Variants in MTHFD2L observed in about 807,000 individuals in gnomAD.
The protein encoded by MTHFD2L is methylenetetrahydrofolate dehydrogenase (NADP+ dependent) 2 like.
A neutral mutation model predicts 34.9 loss-of-function variants in MTHFD2L; 29 were observed. That is an observed-to-expected ratio of 0.83 (90% confidence interval 0.62 to 1.13). The LOEUF is 1.13. Ranked by LOEUF, MTHFD2L falls within the 50% of genes most tolerant of loss-of-function variation. The pLI is 0.00. For synonymous variants in MTHFD2L, 167 were observed against 155.7 expected, an observed-to-expected ratio of 1.07 and a Z score of -0.54; for missense variants, 481 against 446.5, an observed-to-expected ratio of 1.08 and a Z score of -0.70.
chr4:74,122,206 T>G (rs1721800977), upstream of MTHFD2L, among the ~76,000 whole-genome samples: 1 of 152,226 alleles, frequency 6.6e-6, no homozygotes, highest in African/African-American at 2.4e-5. Context: ...CATAAAGAAC[T>G]ACCTGAGGCT....
intron 1 of MTHFD2L, among the ~76,000 whole-genome samples, chr4:74,173,652 G>T (rs1728455422): frequency 6.6e-6 from 1 of 152,232 alleles, no homozygotes; most frequent in Non-Finnish European, 1.5e-5. Context: ...TCACAAGATT[G>T]TGGGGCTACG....
chr4:74,142,044 C>G (rs1284085866), intron 1 of MTHFD2L, among the ~76,000 whole-genome samples: 3 of 152,172 alleles, frequency 2.0e-5, no homozygotes. Flanking sequence ...GTCTAAAATT[C>G]ATGGAGTCTC....
intron 1 of MTHFD2L, among the ~76,000 whole-genome samples, chr4:74,173,030 C>G (rs534898907): frequency 1.3e-5 from 2 of 152,278 alleles, no homozygotes; most frequent in East Asian, 3.9e-4. Context: ...GCTTCCTTTC[C>G]TCCTCCTCTT....
intron 6 of MTHFD2L, among the ~76,000 whole-genome samples, chr4:74,267,441 T>A (rs1405650947): frequency 1.3e-5 from 2 of 151,202 alleles, no homozygotes; most frequent in African/African-American, 4.9e-5. Context: ...AGCATATCAC[T>A]TTGTTGCCTA....
upstream of MTHFD2L, among the ~76,000 whole-genome samples, chr4:74,120,710 C>A (rs1360433639): frequency 6.6e-6 from 1 of 152,156 alleles, no homozygotes; most frequent in African/African-American, 2.4e-5. Context: ...TATCTGTTCA[C>A]ACAGCTCTGC....
At chr4:74,135,034 G>A (rs747592491) in intron 1 of MTHFD2L, among the ~76,000 whole-genome samples, 67 of 151,996 alleles carry the variant, frequency 4.4e-4, no homozygotes, top group Non-Finnish European at 8.7e-4. Flanking sequence ...CAGGAGCAAG[G>A]GTAGAAAGCT....
At chr4:74,229,981 G>A (rs1739762620) in intron 6 of MTHFD2L, among the ~76,000 whole-genome samples, 2 of 152,110 alleles carry the variant, frequency 1.3e-5, no homozygotes, top group South Asian at 2.1e-4. Flanking sequence ...TAAGTGCTTA[G>A]AACAATATCT....
chr4:74,206,407 A>G (rs1448070095), intron 5 of MTHFD2L, among the ~76,000 whole-genome samples: 1 of 151,842 alleles, frequency 6.6e-6, no homozygotes, highest in African/African-American at 2.4e-5. Flanking sequence ...CTGGGTCTCC[A>G]GACTTAGTCT....
chr4:74,286,231 G>T (rs1053817640), intron 7 of MTHFD2L, among the ~76,000 whole-genome samples: 5 of 152,058 alleles, frequency 3.3e-5, no homozygotes, highest in African/African-American at 4.8e-5. Context: ...AGAAGAAACA[G>T]TATTTAAAAC....
At chr4:74,272,928 T>C (rs1578680028) in intron 6 of MTHFD2L, among the ~76,000 whole-genome samples, 1 of 152,156 alleles carries the variant, frequency 6.6e-6, no homozygotes, top group Non-Finnish European at 1.5e-5. Context: ...TGAATCAGAG[T>C]CCAATCTATG....
intron 6 of MTHFD2L, among the ~76,000 whole-genome samples, chr4:74,244,322 A>C (rs2110178236): frequency 6.6e-6 from 1 of 152,320 alleles, no homozygotes; most frequent in African/African-American, 2.4e-5. Context: ...GCTTTGCAGG[A>C]AATGGGTCAG....
Position 74,158,276 on chromosome 4 carries a change from T to G in MTHFD2L, c.138T>G (p.Gly46=). 7.1e-7 allele frequency: 1 copy of G among 1,413,040 alleles called. No homozygotes were observed. The highest frequency in any genetic ancestry group is 9.2e-7 in the Non-Finnish European group (1 of 1,086,070). 87.5% of individuals were successfully genotyped at this position (1,413,040 alleles called of 1,614,324 possible). A position where few individuals can be genotyped will look rare whatever the true frequency, so the allele number is the denominator to read the frequency against. The change falls in exon 1 of 8, where the codon GGT becomes GGG. Residue 46 remains glycine (G), a synonymous_variant. Coordinates refer to ENST00000325278, the MANE Select transcript of MTHFD2L (RefSeq NM_001144978.3). ...GSAFRGFRSS[G]VRHEAIIISG... is the part of the protein sequence containing the mutation. ...CGTTCCGGGGCTTTCGGAGCAGCGG[T>G]GTGAGGTACGAGGGCTGCGGGCGCC... is the stretch of plus-strand genomic sequence containing the variant.
At chr4:74,253,752 C>T (rs1045078914) in intron 6 of MTHFD2L, among the ~76,000 whole-genome samples, 6 of 152,180 alleles carry the variant, frequency 3.9e-5, no homozygotes, top group Admixed American at 1.3e-4. Flanking sequence ...TAGCTCCTGT[C>T]GACCTAGGCT....
chr4:74,271,950 G>A (rs1746050985), intron 6 of MTHFD2L, among the ~76,000 whole-genome samples: 1 of 152,026 alleles, frequency 6.6e-6, no homozygotes, highest in South Asian at 2.1e-4. Flanking sequence ...AGTTTTAAGA[G>A]GGTATTATGT....
intron 1 of MTHFD2L, among the ~76,000 whole-genome samples, chr4:74,172,454 A>G (rs544590255): frequency 2.6e-5 from 4 of 152,354 alleles, no homozygotes; most frequent in South Asian, 2.1e-4. Flanking sequence ...AATGAAGAGT[A>G]GACAAAATTA....
chr4:74,267,982 C>G, intron 6 of MTHFD2L: 2 of 985,184 alleles, frequency 2.0e-6, no homozygotes, highest in Non-Finnish European at 2.4e-6. Context: ...TGGGGGCATT[C>G]AGATATTGTC....
rs1750368614 is a variant in MTHFD2L, at chr4:74,301,865, G to A, written c.*56G>A. ...CATGCTATTTGTTTATTTGACAAAG[G>A]GTAAAACCTTTATATTTTACTACAA... On this transcript the variant is annotated 3_prime_UTR_variant, in exon 8 of 8. Transcript: ENST00000325278. The A allele has an allele frequency of 3.7e-6, 4 of 1,092,526 alleles. No homozygotes were observed. Among genetic ancestry groups the A allele is most frequent in the Non-Finnish European group, 5.3e-6 (4 of 747,680 alleles). 67.7% of individuals were successfully genotyped at this position (1,092,526 alleles called of 1,614,324 possible).
intron 5 of MTHFD2L, 126 bp from the exon 6 acceptor site, chr4:74,225,176 G>A: frequency 1.4e-6 from 1 of 700,278 alleles, no homozygotes; most frequent in East Asian, 2.7e-5. Context: ...TGTGCTCAAA[G>A]TGATTTAGTC....
chr4:74,178,548 T>C (rs935596539), intron 3 of MTHFD2L, among the ~76,000 whole-genome samples: 8 of 152,086 alleles, frequency 5.3e-5, no homozygotes, highest in African/African-American at 1.9e-4. Context: ...AGTCCTGTGC[T>C]AGAGACTAAA....
Sources: gnomAD v4.1 joint callset for allele counts (sites outside exome capture counted in the v4.1 genomes callset) on GRCh38, gnomAD v4.1.1 for gene constraint, MANE v1.5 for transcripts, NCBI Gene and HGNC (gene_info 2026-07-23, HGNC 2026-07-21) for gene names.